Variants in VPS39 observed in about 807,000 individuals in gnomAD.
The protein encoded by VPS39 is VPS39 subunit of HOPS complex.
Under a neutral mutation model 121.0 loss-of-function variants are expected in VPS39, and 70 were observed. The ratio of observed to expected loss-of-function variants is 0.58; its 90% CI spans 0.48 to 0.71. The LOEUF (loss-of-function observed/expected upper bound fraction) is 0.71. Ranked by LOEUF, VPS39 falls within the 30% of genes least tolerant of loss-of-function variation. The probability of loss-of-function intolerance (pLI) is 0.00; values close to 1 mark genes in which losing one functional copy is unlikely to be tolerated. For synonymous variants in VPS39, 378 were observed against 398.1 expected (o/e 0.95, Z 0.60); for missense variants, 818 against 1,051.5 (o/e 0.78, Z 3.07).
chr15:42,191,285 C>A (rs1261723644), intron 3 of VPS39, 118 bp from the exon 4 acceptor site: 9 of 1,261,396 alleles, frequency 7.1e-6, no homozygotes, highest in Non-Finnish European at 1.0e-5. Flanking sequence ...AGGGATCTCA[C>A]TGATTTTTCT....
chr15:42,169,733 G>A lies in VPS39; in HGVS notation c.1224C>T (p.Tyr408=). 1 of 1,613,932 alleles carries A rather than the reference G, an allele frequency of 6.2e-7. No individual in the cohort carries two copies. The highest frequency in any genetic ancestry group is 2.2e-5 in the East Asian group (1 of 44,892). The stretch of plus-strand genomic sequence containing the variant: ...TCTGTACTATACCTACCTGTGTCAG[G>A]TAGTCAATCAGAGCTAAGTGAGCCT... The part of the protein sequence containing the change: ...LEKAHLALID[Y]LTQKRSQLVK... Residue 408 remains tyrosine, a synonymous_variant, in exon 12 of 25, where the codon TAC becomes TAT. Transcript: ENST00000318006.
At chr15:42,174,755 C>T (rs1040920366) in intron 10 of VPS39, among the ~76,000 whole-genome samples, 17 of 152,038 alleles carry the variant, frequency 1.1e-4, no homozygotes, top group African/African-American at 4.1e-4. Flanking sequence ...GGGCAGATCA[C>T]CTCAGGTCAG....
At chr15:42,193,612 G>C (rs944654514) in intron 2 of VPS39, among the ~76,000 whole-genome samples, 7 of 152,108 alleles carry the variant, frequency 4.6e-5, no homozygotes, top group Admixed American at 2.0e-4. Context: ...GGTTCACTGA[G>C]TTATGCAGAT....
chr15:42,160,730 C>T lies in VPS39; in HGVS notation c.*24G>A, dbSNP rs117972886. 14,208 of 1,609,584 alleles carry T rather than the reference C, an allele frequency of 8.8e-3. 87 individuals are homozygous for T. The highest frequency in any genetic ancestry group is 0.013 in the South Asian group (1,182 of 90,980). ...CTCTGGGAGAGCCAAGCTGTCCATC[C>T]GCTGGATCCCCAGGATGCTGGGCTC... On this transcript the variant is annotated 3_prime_UTR_variant, in exon 25 of 25. Coordinates refer to ENST00000318006, the MANE Select transcript of VPS39 (RefSeq NM_015289.5).
At chr15:42,164,275 G>A in intron 19 of VPS39, 83 bp downstream of exon 19, 1 of 1,562,166 alleles carries the variant, frequency 6.4e-7, no homozygotes, top group Non-Finnish European at 8.7e-7. Flanking sequence ...CTTTTGTGGA[G>A]AGTTGGGGAA....
At chr15:42,199,701 C>G in intron 2 of VPS39, 195 bp downstream of exon 2, 1 of 572,528 alleles carries the variant, frequency 1.7e-6, no homozygotes. Context: ...TTCATCCTCA[C>G]CTCCCAAATG....
chr15:42,168,370 G>C (rs966691796), intron 12 of VPS39, among the ~76,000 whole-genome samples: 1 of 119,980 alleles, frequency 8.3e-6, no homozygotes, highest in Non-Finnish European at 1.7e-5. Context: ...CAGTGTGTAG[G>C]CAGTGGCAAG....
At chr15:42,176,296 C>T (rs981477730) in intron 10 of VPS39, among the ~76,000 whole-genome samples, 14 of 151,984 alleles carry the variant, frequency 9.2e-5, no homozygotes, top group Non-Finnish European at 2.1e-4. Context: ...AAACTAAATA[C>T]ATTACTTCCA....
At chr15:42,164,945 G>A (rs776217592) in intron 18 of VPS39, 51 bp downstream of exon 18, 1 of 1,611,196 alleles carries the variant, frequency 6.2e-7, no homozygotes, top group Non-Finnish European at 8.5e-7. Context: ...ACCTGGGTCT[G>A]TGCTCTCCTC....
rs749504513 is a variant in VPS39 at position 42,178,529 on chromosome 15, C to T, written c.760G>A (p.Val254Ile). 1.9e-6 allele frequency: 3 copies of T among 1,614,142 alleles called. No individual in the cohort carries two copies. Among genetic ancestry groups the T allele is most frequent in the Admixed American group, 1.7e-5 (1 of 60,012 alleles). The change falls in exon 9 of 25, where the codon GTT (valine) becomes ATT (isoleucine). Residue 254 changes from valine to isoleucine, a missense_variant. By Grantham distance (29) the Val-to-Ile change is conservative. Transcript: ENST00000318006. ...CTCGGTTCAAATGTTCGGATCTCAA[C>T]ATATCGAGGCAACACTGCAATGATG... ...PYIIAVLPRY[V>I]EIRTFEPRLL...
chr15:42,179,260 C>A (rs895049077), intron 8 of VPS39, among the ~76,000 whole-genome samples: 2 of 152,042 alleles, frequency 1.3e-5, no homozygotes, highest in South Asian at 2.1e-4. Flanking sequence ...TTCTTTCATT[C>A]TCTTAGAAAA....
At chr15:42,169,542 C>T (rs1411426719) in intron 12 of VPS39, among the ~76,000 whole-genome samples, 182 bp downstream of exon 12, 2 of 151,980 alleles carry the variant, frequency 1.3e-5, no homozygotes, top group African/African-American at 4.8e-5. Context: ...GGCAGAAAAC[C>T]CCACCTCAAT....
At chr15:42,172,007 G>C (rs1486851896) in intron 11 of VPS39, among the ~76,000 whole-genome samples, 1 of 152,096 alleles carries the variant, frequency 6.6e-6, no homozygotes, top group Non-Finnish European at 1.5e-5. Context: ...CCTTGATCTG[G>C]AGGAAATGAT....
At chr15:42,203,958 A>C (rs1435545430) in intron 1 of VPS39, among the ~76,000 whole-genome samples, 2 of 152,244 alleles carry the variant, frequency 1.3e-5, no homozygotes, top group Non-Finnish European at 2.9e-5. Flanking sequence ...ACGCACACAT[A>C]AGCAAAGCAG....
intron 18 of VPS39, 104 bp from the exon 19 acceptor site, chr15:42,164,590 C>T: frequency 1.3e-6 from 2 of 1,494,472 alleles, no homozygotes; most frequent in South Asian, 1.3e-5. Context: ...CACCACATGA[C>T]CAGAAAGGGC....
chr15:42,195,032 G>C (rs889288795), intron 2 of VPS39, among the ~76,000 whole-genome samples: 1 of 152,014 alleles, frequency 6.6e-6, no homozygotes, highest in African/African-American at 2.4e-5. Context: ...GGATCCCCAG[G>C]GGTCTAGAGA....
chr15:42,187,258 A>T lies in VPS39; in HGVS notation c.534+13T>A, dbSNP rs200157082. The T allele has an allele frequency of 9.3e-4, 1,470 of 1,584,166 alleles. No homozygotes were observed. The highest frequency in any genetic ancestry group is 1.2e-3 in the Non-Finnish European group (1,369 of 1,168,466). ...GATAAACTAATGATATTTGCAAAAT[A>T]ATAAGATTTTACCCTTATTAGGTAG... On this transcript the variant is annotated intron_variant, in intron 7 of 24. Transcript: ENST00000318006.
intron 8 of VPS39, chr15:42,184,219 T>TA (rs954916160): frequency 4.8e-6 from 1 of 210,438 alleles, no homozygotes. Context: ...TCAAAACTCT[T>TA]AAAAAAAGGA....
chr15:42,191,090 T>TA (rs2049819649), intron 4 of VPS39, 35 bp downstream of exon 4: 1 of 1,609,900 alleles, frequency 6.2e-7, no homozygotes, highest in Admixed American at 1.7e-5. Context: ...CTTTTCTTGT[T>TA]AGACACAGGA....
Sources: allele counts gnomAD v4.1 joint callset (sites outside exome capture counted in the v4.1 genomes callset), GRCh38; gene constraint gnomAD v4.1.1; transcripts MANE v1.5; gene names NCBI Gene and HGNC (gene_info 2026-07-23, HGNC 2026-07-21).